The following PCDHA1 variants were observed in gnomAD, a reference collection of about 807,000 sequenced individuals.
PCDHA1 encodes the protein protocadherin alpha 1.
In PCDHA1, 42 loss-of-function variants were observed where a neutral mutation model predicts 61.3. The observed-to-expected ratio is 0.69, with a 90% CI of 0.54 to 0.89. PCDHA1 has a LOEUF of 0.89. PCDHA1 is among the 40% of genes least tolerant of loss of function. PCDHA1 has a pLI of 0.00. For synonymous variants in PCDHA1, 610 were observed against 553.8 expected, an observed-to-expected ratio of 1.10 and a Z score of -1.43; for missense variants, 1,256 against 1,235.3, an observed-to-expected ratio of 1.02 and a Z score of -0.25.
chr5:140,936,448 T>A (rs1477787930), intron 1 of PCDHA1, among the ~76,000 whole-genome samples: 1 of 152,210 alleles, frequency 6.6e-6, no homozygotes, highest in Non-Finnish European at 1.5e-5. Context: ...AATAACCACA[T>A]CTGTTTAGTG....
At chr5:140,829,572 T>C (rs1770395832) in intron 1 of PCDHA1, 2 of 1,612,506 alleles carry the variant, frequency 1.2e-6, no homozygotes, top group Non-Finnish European at 8.5e-7. Flanking sequence ...TCCTACTCGC[T>C]GGTGGAGCGG....
intron 1 of PCDHA1, among the ~76,000 whole-genome samples, chr5:140,977,969 C>T (rs1554238945): frequency 6.6e-6 from 1 of 152,114 alleles, no homozygotes; most frequent in African/African-American, 2.4e-5. Context: ...AATCTCCGCC[C>T]ATGAAAACGC....
At position 140,841,557 on chromosome 5, in the gene PCDHA1, T is replaced by A. The variant is rs2150318209; in HGVS notation, c.2394+52873T>A. On this transcript the variant is annotated intron_variant, in intron 1 of 3. Coordinates refer to ENST00000504120, the MANE Select transcript of PCDHA1 (RefSeq NM_018900.4). The stretch of plus-strand genomic sequence containing the variant: ...CACCGGGACCTTCTGGAGGTAAGTC[T>A]GCAGAATGGCATTTTGTTTGTGAAT... The A allele has an allele frequency of 2.5e-6, 4 of 1,613,864 alleles. No individual in the cohort carries two copies. The East Asian group carries it at 8.9e-5, about 36-fold the overall frequency.
Position 140,969,579 on chromosome 5 carries a change from G to A in PCDHA1, c.2395-9370G>A, listed in dbSNP as rs373969836. Reference sequence around the variant, plus strand: ...TCCATAAAATTGTTTGAGAAGTGAGGATTAGTCTTAATATTTAATGCTAAA... The same window carrying A: ...TCCATAAAATTGTTTGAGAAGTGAGAATTAGTCTTAATATTTAATGCTAAA... On this transcript the variant is annotated intron_variant, in intron 1 of 3. Coordinates refer to ENST00000504120, the MANE Select transcript of PCDHA1 (RefSeq NM_018900.4). 1,666 of 951,704 alleles carry A rather than the reference G, an allele frequency of 1.8e-3. 9 individuals carry two copies. The Middle Eastern group carries it at 0.019, about 11-fold the overall frequency. 59.0% of individuals were successfully genotyped at this position (951,704 alleles called of 1,614,324 possible). A position where few individuals can be genotyped will look rare whatever the true frequency, so the allele number is the denominator to read the frequency against.
intron 1 of PCDHA1, chr5:140,860,073 G>A (rs1441059020): frequency 4.0e-5 from 6 of 151,782 alleles, no homozygotes; most frequent in African/African-American, 1.5e-4. Flanking sequence ...AGGATGGTTT[G>A]AGGCCAGGAG....
At chr5:140,858,846 T>C (rs2045621304) in intron 1 of PCDHA1, 1 of 295,454 alleles carries the variant, frequency 3.4e-6, no homozygotes, top group Non-Finnish European at 6.4e-6. Flanking sequence ...ATTCCACTGA[T>C]CTATATCTCT....
At chr5:140,804,577 A>G (rs1053673619) in intron 1 of PCDHA1, 1 of 152,308 alleles carries the variant, frequency 6.6e-6, no homozygotes, top group Non-Finnish European at 1.5e-5. Context: ...TGCTAATATG[A>G]AATAAGTTTG....
intron 1 of PCDHA1, among the ~76,000 whole-genome samples, chr5:140,895,873 G>A (rs112324080): frequency 0.13 from 19,058 of 152,088 alleles, 1,272 homozygotes; most frequent in Middle Eastern, 0.19. Context: ...GTGCAATGGC[G>A]CGATCTCGGC....
At chr5:140,803,189 T>G (rs1763140498) in intron 1 of PCDHA1, 3 of 1,613,804 alleles carry the variant, frequency 1.9e-6, no homozygotes, top group Admixed American at 1.7e-5. Flanking sequence ...CCACGGCCAC[T>G]GTGCTGGTGT....
intron 1 of PCDHA1, among the ~76,000 whole-genome samples, chr5:140,799,516 TTTAC>T (rs765922159): frequency 2.0e-4 from 31 of 151,970 alleles, no homozygotes; most frequent in Admixed American, 5.2e-4. Flanking sequence ...TGCTTAAATG[TTTAC>T]TTACTTCTTC....
At chr5:140,948,764 G>A (rs962710607) in intron 1 of PCDHA1, among the ~76,000 whole-genome samples, 11 of 150,728 alleles carry the variant, frequency 7.3e-5, no homozygotes, top group East Asian at 3.9e-4. Context: ...GATTTTTTTC[G>A]AATAGCCAGC....
At chr5:140,804,866 A>G (rs989105171) in intron 1 of PCDHA1, 1 of 555,074 alleles carries the variant, frequency 1.8e-6, no homozygotes, top group Non-Finnish European at 3.0e-6. Flanking sequence ...CGTAAAATAG[A>G]TATTTTTCTT....
rs140331962 is a variant in PCDHA1 at position 140,803,491 on chromosome 5, C to T, written c.2394+14807C>T. ...AGGGTGTGCTCTGGAGAGGGGTTGCCCAAGACCGACCTCATGGCTTTTAGC... is the reference window on the plus strand; with the variant it reads ...AGGGTGTGCTCTGGAGAGGGGTTGCTCAAGACCGACCTCATGGCTTTTAGC... On this transcript the variant is annotated intron_variant, in intron 1 of 3. Coordinates refer to ENST00000504120, the MANE Select transcript of PCDHA1 (RefSeq NM_018900.4). The T allele has an allele frequency of 1.9e-4, 301 of 1,614,110 alleles. No individual in the cohort carries two copies. Among genetic ancestry groups the T allele is most frequent in the Non-Finnish European group, 2.4e-4 (283 of 1,180,048 alleles).
At chr5:140,809,632 G>A (rs782493933) in intron 1 of PCDHA1, 33 of 1,502,364 alleles carry the variant, frequency 2.2e-5, no homozygotes, top group Non-Finnish European at 2.8e-5. Flanking sequence ...CAACTTCTTC[G>A]TAAATTTATT....
intron 1 of PCDHA1, chr5:140,856,443 T>C: frequency 6.3e-7 from 1 of 1,598,282 alleles, no homozygotes; most frequent in Non-Finnish European, 8.6e-7. Flanking sequence ...CCGCCCAGGT[T>C]CTCCGTAACA....
In PCDHA1 at chr5:140,937,039, C is replaced by CTT. The variant is rs34994034; in HGVS notation, c.2395-41895_2395-41894dup. On this transcript the variant is annotated intron_variant, in intron 1 of 3. Coordinates refer to ENST00000504120, the MANE Select transcript of PCDHA1 (RefSeq NM_018900.4). ...TAACAAGGTATATTCTTCCATTTATCTTTTTTTTTTTTTTTTGAGACGGAG... is the reference window on the plus strand; with the variant it reads ...TAACAAGGTATATTCTTCCATTTATCTTTTTTTTTTTTTTTTTTGAGACGGAG... 3.4e-3 allele frequency among the ~76,000 whole-genome samples: 476 copies of CTT among 140,122 alleles called. 6 individuals carry two copies. The highest frequency in any genetic ancestry group is 0.011 in the South Asian group (47 of 4,432). 91.9% of individuals were successfully genotyped at this position (140,122 alleles called of 152,430 possible).
rs2096720992 is a variant in PCDHA1 at position 140,976,533 on chromosome 5, A to G, written c.2395-2416A>G. 2.0e-5 allele frequency among the ~76,000 whole-genome samples: 3 copies of G among 152,170 alleles called. No homozygotes were observed. In the South Asian group the frequency reaches 6.2e-4, roughly 32 times the overall value. Reference sequence around the variant, plus strand: ...GCCACTGCACACCAGCCTAAATGACAGAGTAAGACCCTATCTCATAAATAA... The same window carrying G: ...GCCACTGCACACCAGCCTAAATGACGGAGTAAGACCCTATCTCATAAATAA... On this transcript the variant is annotated intron_variant, in intron 1 of 3. Coordinates refer to ENST00000504120, the MANE Select transcript of PCDHA1 (RefSeq NM_018900.4).
Position 140,856,421 on chromosome 5 carries a change from A to T in PCDHA1, c.2394+67737A>T, listed in dbSNP as rs1554148675. 3.8e-6 allele frequency: 6 copies of T among 1,598,490 alleles called. No individual in the cohort carries two copies. In the South Asian group the frequency reaches 6.6e-5, roughly 18 times the overall value. On this transcript the variant is annotated intron_variant, in intron 1 of 3. Coordinates refer to ENST00000504120, the MANE Select transcript of PCDHA1 (RefSeq NM_018900.4). ...CCATGTGGACGTGGAAGTGAAGGACATTAACGACAACCCGCCCAGGTTCTC... is the reference window on the plus strand; with the variant it reads ...CCATGTGGACGTGGAAGTGAAGGACTTTAACGACAACCCGCCCAGGTTCTC...
chr5:140,796,505 G>A (rs1332531928), intron 1 of PCDHA1: 2 of 1,612,398 alleles, frequency 1.2e-6, no homozygotes, highest in Non-Finnish European at 1.7e-6. Flanking sequence ...CACGCGGAGA[G>A]CGGCAAGGTG....
Sources: allele counts gnomAD v4.1 joint callset (sites outside exome capture counted in the v4.1 genomes callset), GRCh38; gene constraint gnomAD v4.1.1; transcripts MANE v1.5; gene names NCBI Gene and HGNC (gene_info 2026-07-23, HGNC 2026-07-21).